Variants in SEMA6A observed in about 807,000 individuals in gnomAD.
SEMA6A encodes semaphorin-6A.
In SEMA6A, 25 loss-of-function variants were observed where a neutral mutation model predicts 96.8. The observed-to-expected ratio is 0.26, with a 90% confidence interval of 0.19 to 0.36. The LOEUF is 0.36. Among genes scored for constraint, SEMA6A ranks in the 10% least tolerant of loss-of-function variants. The probability of loss-of-function intolerance (pLI) is 1.00; values close to 1 mark genes in which losing one functional copy is unlikely to be tolerated. For synonymous variants in SEMA6A, 612 were observed against 518.0 expected (o/e 1.18, Z -2.46); for missense variants, 1,363 against 1,323.1 (o/e 1.03, Z -0.47).
intron 1 of SEMA6A, among the ~76,000 whole-genome samples, chr5:116,505,803 A>G (rs965378591): frequency 6.6e-6 from 1 of 152,194 alleles, no homozygotes; most frequent in Non-Finnish European, 1.5e-5. Flanking sequence ...TTCTTGACGA[A>G]GCTCTTTATG....
chr5:116,470,853 A>G (rs552771300), intron 17 of SEMA6A, among the ~76,000 whole-genome samples: 1 of 152,168 alleles, frequency 6.6e-6, no homozygotes, highest in Non-Finnish European at 1.5e-5. Context: ...TTACTTTGGA[A>G]TTGGCTTTCT....
At chr5:116,455,557 T>TCAA (rs1195174784) in intron 18 of SEMA6A, among the ~76,000 whole-genome samples, 2 of 152,218 alleles carry the variant, frequency 1.3e-5, no homozygotes, top group Non-Finnish European at 2.9e-5. Context: ...TCAAAAGGCA[T>TCAA]CAAAGCCACA....
intron 7 of SEMA6A, among the ~76,000 whole-genome samples, chr5:116,489,240 A>AGCG (rs1399317503): frequency 1.3e-5 from 2 of 152,116 alleles, no homozygotes; most frequent in African/African-American, 2.4e-5. Flanking sequence ...ATTTTTTTTA[A>AGCG]GCGGCAGCAG....
chr5:116,527,877 A>G (rs1759298457), intron 1 of SEMA6A, among the ~76,000 whole-genome samples: 1 of 152,234 alleles, frequency 6.6e-6, no homozygotes, highest in African/African-American at 2.4e-5. Flanking sequence ...AGGTGTTACT[A>G]TTTTAATAAC....
chr5:116,557,633 G>A (rs919318556), intron 1 of SEMA6A, among the ~76,000 whole-genome samples: 3 of 149,756 alleles, frequency 2.0e-5, no homozygotes, highest in African/African-American at 7.3e-5. Context: ...ACCTGTGTTA[G>A]ACTTGGTATT....
chr5:116,475,251 A>C (rs969481650), intron 16 of SEMA6A, among the ~76,000 whole-genome samples: 1 of 152,224 alleles, frequency 6.6e-6, no homozygotes, highest in South Asian at 2.1e-4. Flanking sequence ...GTCATTTTGT[A>C]ATGGAAATGC....
chr5:116,452,253 C>G (rs1459582687), intron 18 of SEMA6A, among the ~76,000 whole-genome samples: 2 of 152,192 alleles, frequency 1.3e-5, no homozygotes, highest in Non-Finnish European at 2.9e-5. Flanking sequence ...TTTGAAAAAT[C>G]CTTTGCATTG....
At chr5:116,569,376 C>A (rs1294340846) in intron 1 of SEMA6A, among the ~76,000 whole-genome samples, 1 of 152,032 alleles carries the variant, frequency 6.6e-6, no homozygotes, top group African/African-American at 2.4e-5. Context: ...TTCAAGCAAG[C>A]CCAAGGGGTG....
chr5:116,574,754 GC>G lies in SEMA6A; in HGVS notation c.-609del, dbSNP rs1265752765. 1 of 152,396 alleles carries G rather than the reference GC, an allele frequency of 6.6e-6. No homozygotes were observed. Among genetic ancestry groups the G allele is most frequent in the Non-Finnish European group, 1.5e-5 (1 of 68,148 alleles). 9.4% of individuals were successfully genotyped at this position (152,396 alleles called of 1,614,324 possible). ...GGAGCGCCGCTGCTGGGTTCCGAGCGCCTGGGCAGCCGAGTGCGCGGGGAGC... is the reference window on the plus strand; with the variant it reads ...GGAGCGCCGCTGCTGGGTTCCGAGCGCTGGGCAGCCGAGTGCGCGGGGAGC... On this transcript the variant is annotated 5_prime_UTR_variant, in exon 1 of 19. Transcript: ENST00000343348.
At chr5:116,461,260 A>G (rs926175188) in intron 18 of SEMA6A, among the ~76,000 whole-genome samples, 1 of 152,102 alleles carries the variant, frequency 6.6e-6, no homozygotes, top group Non-Finnish European at 1.5e-5. Flanking sequence ...GCCTCTGACC[A>G]TGCACGTTCT....
At chr5:116,529,054 C>A (rs1400904025) in intron 1 of SEMA6A, among the ~76,000 whole-genome samples, 1 of 152,126 alleles carries the variant, frequency 6.6e-6, no homozygotes, top group East Asian at 1.9e-4. Flanking sequence ...TTCAGACAGT[C>A]TCTAAGGGTG....
intron 17 of SEMA6A, chr5:116,472,823 A>G: frequency 7.8e-7 from 1 of 1,278,674 alleles, no homozygotes; most frequent in South Asian, 1.5e-5. Context: ...TGAAAACTAT[A>G]AACTACTGCT....
At chr5:116,524,791 C>CACACACACAG (rs1759141455) in intron 1 of SEMA6A, among the ~76,000 whole-genome samples, 23 of 151,634 alleles carry the variant, frequency 1.5e-4, no homozygotes, top group African/African-American at 4.4e-4. Flanking sequence ...CACACACAGA[C>CACACACACAG]ACACACACAC....
chr5:116,509,850 A>T (rs1385792704), intron 1 of SEMA6A, among the ~76,000 whole-genome samples: 1 of 152,156 alleles, frequency 6.6e-6, no homozygotes, highest in Non-Finnish European at 1.5e-5. Flanking sequence ...CCACTCTCTG[A>T]GATCACCACA....
At chr5:116,557,504 T>A (rs996030065) in intron 1 of SEMA6A, among the ~76,000 whole-genome samples, 3 of 152,256 alleles carry the variant, frequency 2.0e-5, no homozygotes, top group African/African-American at 7.2e-5. Context: ...TAATTTTTAT[T>A]TAAACTAAAG....
Position 116,552,660 on chromosome 5 carries a change from A to G in SEMA6A, c.-39+21525T>C, listed in dbSNP as rs546195130. On this transcript the variant is annotated intron_variant, in intron 1 of 18. Transcript: ENST00000343348. ...GGGAGCATCAGGCCACATCCTCTGT[A>G]CTGGCAGGAAGGTTCAAAACCGATC... 3.3e-5 allele frequency among the ~76,000 whole-genome samples: 5 copies of G among 152,304 alleles called. No individual in the cohort carries two copies. The East Asian group carries it at 7.7e-4, about 23-fold the overall frequency.
At chr5:116,568,600 T>G (rs13357666) in intron 1 of SEMA6A, among the ~76,000 whole-genome samples, 1,637 of 152,324 alleles carry the variant, frequency 0.011, 29 homozygotes, top group African/African-American at 0.038. Flanking sequence ...ATGCTGGCTG[T>G]CTTCTTAGCT....
rs755637437 is a variant in SEMA6A at position 116,544,466 on chromosome 5, A to G, written c.-39+29719T>C. ...CCACCATGCCCAGCGAAATTTTTGA[A>G]TATTTTTTTTTTTTAGAGATGGGGG... On this transcript the variant is annotated intron_variant, in intron 1 of 18. Transcript: ENST00000343348. Among the ~76,000 whole-genome samples, 9 of 150,860 alleles carry G rather than the reference A, an allele frequency of 6.0e-5. No individual in the cohort carries two copies. The South Asian group carries it at 1.3e-3, about 21-fold the overall frequency.
chr5:116,448,106 G>C (rs532496685), intron 18 of SEMA6A, among the ~76,000 whole-genome samples: 1 of 150,858 alleles, frequency 6.6e-6, no homozygotes, highest in South Asian at 2.1e-4. Flanking sequence ...GGCCGAGGCG[G>C]GTGGATCACG....
Sources: allele counts gnomAD v4.1 joint callset (sites outside exome capture counted in the v4.1 genomes callset), GRCh38; gene constraint gnomAD v4.1.1; transcripts MANE v1.5; gene names NCBI Gene and HGNC (gene_info 2026-07-23, HGNC 2026-07-21).